The following TMEM184B variants were observed in gnomAD, a reference collection of about 807,000 sequenced individuals.
TMEM184B encodes the protein putative MAPK-activating protein FM08.
Under a neutral mutation model 41.8 loss-of-function variants are expected in TMEM184B, and 17 were observed. The ratio of observed to expected loss-of-function variants is 0.41; its 90% CI spans 0.28 to 0.61. The LOEUF (loss-of-function observed/expected upper bound fraction) is 0.61, where lower values mean the gene tolerates loss of function less well. Ranked by LOEUF, TMEM184B falls within the 20% of genes least tolerant of loss-of-function variation. TMEM184B has a pLI of 0.34. For synonymous variants in TMEM184B, 240 were observed against 229.5 expected (o/e 1.05, Z -0.41); for missense variants, 393 against 557.8 (o/e 0.70, Z 2.98).
Position 38,248,596 on chromosome 22 carries a change from T to G in TMEM184B, c.-58-577A>C, listed in dbSNP as rs182794909. Among the ~76,000 whole-genome samples, 66 of 152,326 alleles carry G rather than the reference T, an allele frequency of 4.3e-4. No individual in the cohort carries two copies. In the East Asian group the frequency reaches 5.2e-3, roughly 12 times the overall value. ...ATGCCTGACTCCCTGCTTTCCTTTC[T>G]TTTCCTCCAGAGCACTCATTACATC... On this transcript the variant is annotated intron_variant, in intron 1 of 8. Coordinates refer to ENST00000361906, the MANE Select transcript of TMEM184B (RefSeq NM_012264.5).
chr22:38,251,213 G>T (rs780304303), intron 1 of TMEM184B, among the ~76,000 whole-genome samples: 1 of 152,196 alleles, frequency 6.6e-6, no homozygotes, highest in Non-Finnish European at 1.5e-5. Context: ...CTGCACCGAG[G>T]CCAATTCATA....
rs145623875 is a variant in TMEM184B at position 38,220,141 on chromosome 22, G to A, written c.*1328C>T. 489 of 985,384 alleles carry A rather than the reference G, an allele frequency of 5.0e-4. No individual in the cohort carries two copies. Among genetic ancestry groups the A allele is most frequent in the Admixed American group, 3.6e-3 (59 of 16,276 alleles). 61.0% of individuals were successfully genotyped at this position (985,384 alleles called of 1,614,324 possible). A position where few individuals can be genotyped will look rare whatever the true frequency, so the allele number is the denominator to read the frequency against. Reference sequence around the variant, plus strand: ...TGTAGGGACACGTGTTGTGACACGAGGCTCTTCCTAAGTCAGGAGCTAGTA... The same window carrying A: ...TGTAGGGACACGTGTTGTGACACGAAGCTCTTCCTAAGTCAGGAGCTAGTA... On this transcript the variant is annotated 3_prime_UTR_variant, in exon 9 of 9. Coordinates refer to ENST00000361906, the MANE Select transcript of TMEM184B (RefSeq NM_012264.5).
At chr22:38,269,981 T>C (rs919055496) in intron 1 of TMEM184B, among the ~76,000 whole-genome samples, 5 of 152,274 alleles carry the variant, frequency 3.3e-5, no homozygotes, top group African/African-American at 1.2e-4. Flanking sequence ...CCATAACACA[T>C]GGCTGAGCAT....
intron 1 of TMEM184B, among the ~76,000 whole-genome samples, chr22:38,269,857 C>T (rs1358297443): frequency 2.0e-5 from 3 of 151,992 alleles, no homozygotes; most frequent in South Asian, 2.1e-4. Flanking sequence ...AGAAAGGCGG[C>T]GGGGTCTAAA....
rs150343785 is a variant in TMEM184B at position 38,252,155 on chromosome 22, G to T, written c.-58-4136C>A. 6.5e-3 allele frequency among the ~76,000 whole-genome samples: 988 copies of T among 152,094 alleles called. 14 individuals carry two copies. The highest frequency in any genetic ancestry group is 0.023 in the African/African-American group (946 of 41,456). Reference sequence around the variant, plus strand: ...GCTCATTACAACTTCTGCCTCCTGGGGTCAAGCCATCCTCCCACCTCAGCC... The same window carrying T: ...GCTCATTACAACTTCTGCCTCCTGGTGTCAAGCCATCCTCCCACCTCAGCC... On this transcript the variant is annotated intron_variant, in intron 1 of 8. Coordinates refer to ENST00000361906, the MANE Select transcript of TMEM184B (RefSeq NM_012264.5).
At chr22:38,244,854 G>C (rs79385909) in intron 3 of TMEM184B, among the ~76,000 whole-genome samples, 1,845 of 152,290 alleles carry the variant, frequency 0.012, 34 homozygotes, top group African/African-American at 0.043. Context: ...GGAATGCCTG[G>C]GACCTGCCCA....
At chr22:38,243,267 T>A (rs1204442631) in intron 3 of TMEM184B, among the ~76,000 whole-genome samples, 1 of 151,342 alleles carries the variant, frequency 6.6e-6, no homozygotes, top group East Asian at 1.9e-4. Context: ...GCTTCTGGAG[T>A]GAGGGGTGCC....
chr22:38,272,972 G>T lies in TMEM184B; in HGVS notation c.-147C>A. 3.8e-6 allele frequency: 1 copy of T among 263,580 alleles called. No individual in the cohort carries two copies. The highest frequency in any genetic ancestry group is 5.9e-6 in the Non-Finnish European group (1 of 170,896). 16.3% of individuals were successfully genotyped at this position (263,580 alleles called of 1,614,324 possible). On this transcript the variant is annotated 5_prime_UTR_variant, in exon 1 of 9. Coordinates refer to ENST00000361906, the MANE Select transcript of TMEM184B (RefSeq NM_012264.5). The stretch of plus-strand genomic sequence containing the variant: ...GGGCGGGCGGCGCCGCAGCCCCGGA[G>T]TCTCCGCCGCCGCCGGCGCGTCCCG...
chr22:38,255,096 G>A (rs1368470402), intron 1 of TMEM184B, among the ~76,000 whole-genome samples: 4 of 152,136 alleles, frequency 2.6e-5, no homozygotes, highest in Non-Finnish European at 5.9e-5. Context: ...CACGATCCTG[G>A]CTCACTGCAA....
At position 38,239,546 on chromosome 22, in the gene TMEM184B, G is replaced by C. The variant is rs2091858553; in HGVS notation, c.358+6389C>G. 1 of 152,236 alleles carries C rather than the reference G, an allele frequency of 6.6e-6. No individual in the cohort carries two copies. Among genetic ancestry groups the C allele is most frequent in the Admixed American group, 6.5e-5 (1 of 15,276 alleles). The allele number at this position is 152,236 out of a possible 1,614,324, so 9.4% of individuals were successfully genotyped here. A position where few individuals can be genotyped will look rare whatever the true frequency, so the allele number is the denominator to read the frequency against. ...CAGAGCCCTAGGAAAAATCAGCACT[G>C]CACATGCCAGGCAGCTCTGGTGGCT... On this transcript the variant is annotated intron_variant, in intron 3 of 8. Transcript: ENST00000361906. This position sits in a 1 kb window ranked among gnomAD's most constrained non-coding sequence, Gnocchi z 4.6.
chr22:38,262,936 T>C (rs1385245304), intron 1 of TMEM184B, among the ~76,000 whole-genome samples: 1 of 152,216 alleles, frequency 6.6e-6, no homozygotes, highest in Non-Finnish European at 1.5e-5. Context: ...AGAGTCTCGC[T>C]CTGTAGCTCA....
chr22:38,262,212 C>T (rs775244873), intron 1 of TMEM184B, among the ~76,000 whole-genome samples: 4 of 152,202 alleles, frequency 2.6e-5, no homozygotes, highest in Admixed American at 1.3e-4. Context: ...GCAGGCACCA[C>T]GCGAAAGTGC....
At chr22:38,264,416 G>A (rs2092415523) in intron 1 of TMEM184B, among the ~76,000 whole-genome samples, 1 of 152,168 alleles carries the variant, frequency 6.6e-6, no homozygotes, top group African/African-American at 2.4e-5. Context: ...GGGAGGGGGT[G>A]GGGGTGCAGA....
rs570801386 is a variant in TMEM184B, at chr22:38,224,321, A to T, written c.982+464T>A. 6.6e-4 allele frequency among the ~76,000 whole-genome samples: 101 copies of T among 152,304 alleles called. 1 individual carries two copies. The highest frequency in any genetic ancestry group is 1.2e-3 in the South Asian group (6 of 4,830). On this transcript the variant is annotated intron_variant, in intron 8 of 8. Transcript: ENST00000361906. ...AGTAGAGACAGGGTTTCACCGTGTT[A>T]GCCAGGATGGTCTCGATCTCCTGAC...
At chr22:38,264,639 C>G (rs146967992) in intron 1 of TMEM184B, among the ~76,000 whole-genome samples, 1 of 152,134 alleles carries the variant, frequency 6.6e-6, no homozygotes, top group Non-Finnish European at 1.5e-5. Flanking sequence ...AAGCATCAAG[C>G]CAGGGAGTTG....
chr22:38,266,703 A>C (rs1022975282), intron 1 of TMEM184B, among the ~76,000 whole-genome samples: 1 of 152,230 alleles, frequency 6.6e-6, no homozygotes, highest in Admixed American at 6.5e-5. Flanking sequence ...ACATCTGCCC[A>C]AACCTGAACC....
chr22:38,235,349 C>A (rs1296021170), intron 3 of TMEM184B, among the ~76,000 whole-genome samples: 1 of 152,236 alleles, frequency 6.6e-6, no homozygotes, highest in African/African-American at 2.4e-5. Context: ...AGAGCCCATC[C>A]CTGCAGTCCT....
chr22:38,264,202 C>G (rs754862159), intron 1 of TMEM184B, among the ~76,000 whole-genome samples: 2 of 152,196 alleles, frequency 1.3e-5, no homozygotes, highest in African/African-American at 2.4e-5. Flanking sequence ...GAACCCACAC[C>G]GGCCCCAACT....
chr22:38,217,830 C>CAA (rs374397588), downstream of TMEM184B, among the ~76,000 whole-genome samples: 38,734 of 87,334 alleles, frequency 0.44, 9,961 homozygotes, highest in Non-Finnish European at 0.56. Context: ...GACTCCATCT[C>CAA]AAAAAAAAAA....
Sources: gnomAD v4.1 joint callset for allele counts (sites outside exome capture counted in the v4.1 genomes callset) on GRCh38, gnomAD v4.1.1 for gene constraint, Gnocchi (gnomAD v3.1) non-coding constraint, MANE v1.5 for transcripts, NCBI Gene and HGNC (gene_info 2026-07-23, HGNC 2026-07-21) for gene names.